Variants in CYP4X1 observed in about 807,000 individuals in gnomAD.
CYP4X1 encodes the protein cytochrome P450 4X1.
CYP4X1 carries 44 observed loss-of-function variants against 57.9 expected under a neutral mutation model. The observed-to-expected ratio is 0.76, with a 90% CI of 0.60 to 0.98. CYP4X1 has a LOEUF of 0.98. Ranked by LOEUF, CYP4X1 falls within the 50% of genes least tolerant of loss-of-function variation. The probability of loss-of-function intolerance (pLI) is 0.00; values close to 1 mark genes in which losing one functional copy is unlikely to be tolerated. For missense variants in CYP4X1, 532 were observed against 623.9 expected, an observed-to-expected ratio of 0.85 and a Z score of 1.57; for synonymous variants, 227 against 228.6, an observed-to-expected ratio of 0.99 and a Z score of 0.06.
At chr1:47,051,917 T>C (rs1393875210), downstream of CYP4X1, among the ~76,000 whole-genome samples, 1 of 130,766 alleles carries the variant, frequency 7.6e-6, no homozygotes, top group Non-Finnish European at 1.7e-5. Context: ...ATGGGTTAGG[T>C]TAGTTCTTTA....
chr1:46,990,962 T>C, the CYP4X1 span, among the ~76,000 whole-genome samples: 8 of 151,260 alleles, frequency 5.3e-5, no homozygotes, highest in African/African-American at 1.7e-4. Context: ...GATGGGTTGA[T>C]GGGTGCAGCA....
At chr1:47,002,320 A>G in the CYP4X1 span, among the ~76,000 whole-genome samples, 85 of 152,352 alleles carry the variant, frequency 5.6e-4, no homozygotes, top group East Asian at 0.015. Flanking sequence ...GTTTTGAAAA[A>G]TGAATAAAAT....
the CYP4X1 span, among the ~76,000 whole-genome samples, chr1:46,962,399 T>G: frequency 6.6e-6 from 1 of 152,132 alleles, no homozygotes; most frequent in East Asian, 1.9e-4. Flanking sequence ...ATTACAGGAG[T>G]GAGCCACCTT....
chr1:46,967,843 A>G, the CYP4X1 span: 1 of 1,254,118 alleles, frequency 8.0e-7, no homozygotes, highest in East Asian at 2.8e-5. Context: ...TAGCTCATTC[A>G]TGGCAAATTT....
intron 2 of CYP4X1, among the ~76,000 whole-genome samples, chr1:47,030,669 C>A (rs1176961469): frequency 6.6e-6 from 1 of 152,156 alleles, no homozygotes; most frequent in Non-Finnish European, 1.5e-5. Context: ...TTTTTTAAGG[C>A]TTTCATTGTG....
At chr1:46,985,470 C>T in the CYP4X1 span, among the ~76,000 whole-genome samples, 3 of 152,220 alleles carry the variant, frequency 2.0e-5, no homozygotes, top group African/African-American at 7.2e-5. Context: ...TGCCTCCTGG[C>T]TCTGAAGAGA....
At chr1:47,022,243 C>T (rs903603420), upstream of CYP4X1, among the ~76,000 whole-genome samples, 2 of 147,400 alleles carry the variant, frequency 1.4e-5, no homozygotes, top group South Asian at 2.1e-4. Flanking sequence ...GGGGCCAGGA[C>T]GAACTTGGTC....
chr1:47,006,765 C>T, the CYP4X1 span, among the ~76,000 whole-genome samples: 711 of 152,316 alleles, frequency 4.7e-3, no homozygotes, highest in African/African-American at 0.016. Context: ...TCTTAGCAAA[C>T]GGCACACCAG....
intron 6 of CYP4X1, among the ~76,000 whole-genome samples, chr1:47,036,998 C>T (rs998880474): frequency 1.3e-5 from 2 of 152,108 alleles, no homozygotes; most frequent in Non-Finnish European, 2.9e-5. Context: ...AGAGGACACT[C>T]AGAGAAGCAG....
the CYP4X1 span, among the ~76,000 whole-genome samples, chr1:46,963,324 A>C: frequency 6.6e-6 from 1 of 152,038 alleles, no homozygotes; most frequent in Non-Finnish European, 1.5e-5. Context: ...TTTGCTCATT[A>C]GTTGATGCAG....
At chr1:47,051,123 T>C (rs1474063093), downstream of CYP4X1, among the ~76,000 whole-genome samples, 1 of 152,000 alleles carries the variant, frequency 6.6e-6, no homozygotes, top group Non-Finnish European at 1.5e-5. Context: ...AAAAGACACA[T>C]GAAAAAATGC....
chr1:47,029,966 T>G (rs755297742), intron 1 of CYP4X1, 24 bp from the exon 2 acceptor site: 5 of 1,611,650 alleles, frequency 3.1e-6, no homozygotes, highest in Non-Finnish European at 4.2e-6. Context: ...GGCTGGCTAA[T>G]TACTTTTACT....
the CYP4X1 span, among the ~76,000 whole-genome samples, chr1:46,973,959 A>G: frequency 6.6e-6 from 1 of 151,710 alleles, no homozygotes; most frequent in Non-Finnish European, 1.5e-5. Flanking sequence ...TTTTTCTGCT[A>G]GCTTTCAAAT....
chr1:46,969,290 C>A, the CYP4X1 span, among the ~76,000 whole-genome samples: 1 of 152,226 alleles, frequency 6.6e-6, no homozygotes, highest in African/African-American at 2.4e-5. Flanking sequence ...CAAATGCTGG[C>A]ACTTCATGTC....
At chr1:47,044,345 A>G (rs914694332) in intron 8 of CYP4X1, among the ~76,000 whole-genome samples, 2 of 152,202 alleles carry the variant, frequency 1.3e-5, no homozygotes, top group African/African-American at 4.8e-5. Context: ...TTAACTTTCA[A>G]CACTTAAAAA....
chr1:47,038,919 CAAAG>C (rs960024696), intron 7 of CYP4X1, among the ~76,000 whole-genome samples, 153 bp downstream of exon 7: 2 of 152,040 alleles, frequency 1.3e-5, no homozygotes, highest in Non-Finnish European at 2.9e-5. Flanking sequence ...CAATTTGAGA[CAAAG>C]AGAGAATTCT....
At chr1:47,009,659 A>G in the CYP4X1 span, among the ~76,000 whole-genome samples, 1 of 152,154 alleles carries the variant, frequency 6.6e-6, no homozygotes, top group South Asian at 2.1e-4. Context: ...TTGATAGACC[A>G]CTAGCAAGAC....
downstream of CYP4X1, among the ~76,000 whole-genome samples, chr1:47,052,568 TAA>T (rs891123575): frequency 6.6e-6 from 1 of 151,878 alleles, no homozygotes; most frequent in Admixed American, 6.6e-5. Context: ...TCTTCAAGCT[TAA>T]AAAAAATGGA....
chr1:47,046,581 T>C lies in CYP4X1; in HGVS notation c.1188T>C (p.Asp396=). 2 of 1,614,150 alleles carry C rather than the reference T, an allele frequency of 1.2e-6. No individual in the cohort carries two copies. The highest frequency in any genetic ancestry group is 1.7e-6 in the Non-Finnish European group (2 of 1,180,014). ...TCAGCAAGCCACTTACCTTCCCAGATGGATGCACATTGCCTGCAGGTCTTT... is the reference window on the plus strand; with the variant it reads ...TCAGCAAGCCACTTACCTTCCCAGACGGATGCACATTGCCTGCAGGTCTTT... ...RDLSKPLTFP[D]GCTLPAGITV... is the part of the protein sequence containing the mutation. The change falls in exon 9 of 12, where the codon GAT becomes GAC. Residue 396 remains aspartate, a synonymous_variant. Coordinates refer to ENST00000371901, the MANE Select transcript of CYP4X1 (RefSeq NM_178033.2).
Sources: allele counts gnomAD v4.1 joint callset (sites outside exome capture counted in the v4.1 genomes callset), GRCh38; gene constraint gnomAD v4.1.1; transcripts MANE v1.5; gene names NCBI Gene and HGNC (gene_info 2026-07-23, HGNC 2026-07-21).